Variants in TUBE1 observed in about 807,000 individuals in gnomAD.
TUBE1 encodes the protein tubulin epsilon 1, also known as tubulin epsilon chain.
A neutral mutation model predicts 53.5 loss-of-function variants in TUBE1; 34 were observed. The ratio of observed to expected loss-of-function variants is 0.64; its 90% CI spans 0.48 to 0.85. The LOEUF is 0.85. Ranked by LOEUF, TUBE1 falls within the 40% of genes least tolerant of loss-of-function variation. TUBE1 has a pLI of 0.00. For synonymous variants in TUBE1, 177 were observed against 198.4 expected, an observed-to-expected ratio of 0.89 and a Z score of 0.91; for missense variants, 532 against 570.5, an observed-to-expected ratio of 0.93 and a Z score of 0.69.
Position 112,087,416 on chromosome 6 carries a change from C to G in TUBE1, c.19G>C (p.Val7Leu). MTQSVV[V>L]QVGQCGNQIG... ...CCCGCCCGGCGTAGCTTACCCTGTA[C>G]GACCACCGACTGGGTCATGGTGGTG... Residue 7 changes from valine to leucine, a missense_variant, in exon 1 of 12, where the codon GTA becomes CTA. Physicochemically the swap from Val to Leu is conservative, Grantham distance 32. Coordinates refer to ENST00000368662, the MANE Select transcript of TUBE1 (RefSeq NM_016262.5). 6.4e-7 allele frequency: 1 copy of G among 1,551,292 alleles called. No homozygotes were observed. The highest frequency in any genetic ancestry group is 8.7e-7 in the Non-Finnish European group (1 of 1,146,844).
chr6:112,079,784 T>C lies in TUBE1; in HGVS notation c.327-30A>G, dbSNP rs782350703. ...AAATTAGAATATGGATTTTAAAAAT[T>C]CCTTGCATTTATTTTTTTATTTGAT... On this transcript the variant is annotated intron_variant, in intron 5 of 11. Transcript: ENST00000368662. 2.4e-5 allele frequency: 38 copies of C among 1,583,652 alleles called. 1 individual carries two copies. The South Asian group carries it at 4.5e-4, about 19-fold the overall frequency.
chr6:112,081,887 G>A (rs587775906), intron 4 of TUBE1, among the ~76,000 whole-genome samples: 63 of 151,190 alleles, frequency 4.2e-4, no homozygotes, highest in South Asian at 6.3e-4. Context: ...TACATGTCCC[G>A]TCCTCCCACT....
In TUBE1 at chr6:112,087,424, G is replaced by C. The variant is rs782014165; in HGVS notation, c.11C>G (p.Ser4Trp). The change falls in exon 1 of 12, where the codon TCG (serine) becomes TGG (tryptophan). Residue 4 changes from serine (S) to tryptophan (W), a missense_variant. Ser to Trp is a radical substitution (Grantham distance 177, BLOSUM62 -3). Transcript: ENST00000368662. ...GCGTAGCTTACCCTGTACGACCACC[G>C]ACTGGGTCATGGTGGTGCGCCGCCG... MTQ[S>W]VVVQVGQCGN... 1 of 1,551,322 alleles carries C rather than the reference G, an allele frequency of 6.4e-7. No homozygotes were observed. The highest frequency in any genetic ancestry group is 2.4e-5 in the East Asian group (1 of 40,906).
In TUBE1 at chr6:112,071,469, C is replaced by T. The variant is rs782241487; in HGVS notation, c.1371G>A (p.Leu457=). 7 of 1,610,368 alleles carry T rather than the reference C, an allele frequency of 4.3e-6. 1 individual carries two copies. The highest frequency in any genetic ancestry group is 5.9e-6 in the Non-Finnish European group (7 of 1,177,562). ...LSALIQEYDQ[L]DATKNMPVQD... ...GCACAGGCATGTTTTTTGTGGCGTC[C>T]AGTTGGTCATATTCCTGTATGAGTG... is the stretch of plus-strand genomic sequence containing the variant. The change falls in exon 12 of 12, where the codon CTG becomes CTA. Residue 457 remains leucine (L), a synonymous_variant. Coordinates refer to ENST00000368662, the MANE Select transcript of TUBE1 (RefSeq NM_016262.5).
Position 112,087,293 on chromosome 6 carries a change from T to A in TUBE1, c.39A>T (p.Gly13=). ...CCCAGAAGCAGCAGCCGATCTGGTT[T>A]CCGCACTGGCCGACTGCGACCGGAG... ...QSVVVQVGQC[G]NQIGCCFWDL... Residue 13 remains glycine, a synonymous_variant, in exon 2 of 12, where the codon GGA becomes GGT. Transcript: ENST00000368662. The A allele has an allele frequency of 6.4e-7, 1 of 1,552,614 alleles. No homozygotes were observed. Among genetic ancestry groups the A allele is most frequent in the Non-Finnish European group, 8.7e-7 (1 of 1,147,494 alleles).
intron 8 of TUBE1, chr6:112,075,305 G>A (rs782057163): frequency 3.3e-5 from 5 of 152,264 alleles, no homozygotes; most frequent in Non-Finnish European, 7.3e-5. Context: ...ACCTGCCTTG[G>A]CCTCCTAATG....
rs781870166 is a variant in TUBE1, at chr6:112,074,815, A to C, written c.848T>G (p.Leu283Arg). 6.2e-7 allele frequency: 1 copy of C among 1,604,054 alleles called. No homozygotes were observed. The highest frequency in any genetic ancestry group is 1.3e-5 in the African/African-American group (1 of 74,540). Residue 283 changes from leucine (L) to arginine (R), a missense_variant, in exon 9 of 12, where the codon CTT (leucine) becomes CGT (arginine). Physicochemically the swap from Leu to Arg is moderately radical, Grantham distance 102. Transcript: ENST00000368662. ...AACTAAATTCATGCTGATTTCATTA[A>C]GGTCCATATTAAGGGACCCTTCAAA... ...ARFEGSLNMD[L>R]NEISMNLVPF...
intron 6 of TUBE1, chr6:112,077,827 T>A (rs949277032): frequency 2.6e-5 from 4 of 151,088 alleles, no homozygotes. Flanking sequence ...CCATAAAAAA[T>A]AACAAGACAA....
chr6:112,086,067 A>T (rs1777150119), intron 3 of TUBE1, among the ~76,000 whole-genome samples: 1 of 152,218 alleles, frequency 6.6e-6, no homozygotes. Context: ...GCATGAACTT[A>T]ATGATTTAAT....
Position 112,071,427 on chromosome 6 carries a change from T to C in TUBE1, c.1413A>G (p.Leu471=). 6.3e-7 allele frequency: 1 copy of C among 1,589,180 alleles called. No homozygotes were observed. Among genetic ancestry groups the C allele is most frequent in the South Asian group, 1.2e-5 (1 of 85,908 alleles). ...KNMPVQDLPR[L]SIAM is the part of the protein sequence containing the mutation. The stretch of plus-strand genomic sequence containing the variant: ...GGTTTCTTTTTCACATAGCTATGCT[T>C]AGTCTGGGTAAATCCTGCACAGGCA... The change falls in exon 12 of 12, where the codon CTA becomes CTG. Residue 471 remains leucine (L), a synonymous_variant. Transcript: ENST00000368662.
chr6:112,085,870 CTAGA>C (rs1317572058), intron 3 of TUBE1: 1 of 325,548 alleles, frequency 3.1e-6, no homozygotes, highest in Non-Finnish European at 6.1e-6. Flanking sequence ...AGCCAGTGCC[CTAGA>C]TAGACTCTGG....
At chr6:112,071,630 T>C in intron 11 of TUBE1, 60 bp from the exon 12 acceptor site, 1 of 1,322,798 alleles carries the variant, frequency 7.6e-7, no homozygotes, top group Non-Finnish European at 1.0e-6. Context: ...CATAAGACTA[T>C]CCTAAAAGGT....
At chr6:112,074,434 G>C (rs1329865783) in intron 9 of TUBE1, among the ~76,000 whole-genome samples, 1 of 152,120 alleles carries the variant, frequency 6.6e-6, no homozygotes, top group African/African-American at 2.4e-5. Context: ...GCTAGCGACA[G>C]TTAGGATTCA....
chr6:112,086,717 T>C (rs1777163706), intron 2 of TUBE1, 109 bp from the exon 3 acceptor site: 2 of 693,742 alleles, frequency 2.9e-6, no homozygotes, highest in Non-Finnish European at 4.8e-6. Flanking sequence ...GAGACTCTGA[T>C]AAGAAAAACC....
At chr6:112,085,626 T>A (rs1583599492) in intron 3 of TUBE1, 1 of 470,520 alleles carries the variant, frequency 2.1e-6, no homozygotes, top group Non-Finnish European at 4.4e-6. Flanking sequence ...ATATGACAGA[T>A]ATCTCCATAA....
Position 112,081,216 on chromosome 6 carries a change from G to A in TUBE1, c.211-9C>T, listed in dbSNP as rs1554316729. On this transcript the variant is annotated splice_polypyrimidine_tract_variant and intron_variant, in intron 4 of 11. Coordinates refer to ENST00000368662, the MANE Select transcript of TUBE1 (RefSeq NM_016262.5). Reference sequence around the variant, plus strand: ...ATATCAATCAAGACTGCCTGAGAAAGAAAAATAAAATATAATTAATGTATT... The same window carrying A: ...ATATCAATCAAGACTGCCTGAGAAAAAAAAATAAAATATAATTAATGTATT... 2.1e-6 allele frequency: 3 copies of A among 1,457,766 alleles called. No homozygotes were observed. Among genetic ancestry groups the A allele is most frequent in the Non-Finnish European group, 1.9e-6 (2 of 1,055,470 alleles). 90.3% of individuals were successfully genotyped at this position (1,457,766 alleles called of 1,614,324 possible). A position where few individuals can be genotyped will look rare whatever the true frequency, so the allele number is the denominator to read the frequency against.
At chr6:112,081,288 G>T in intron 4 of TUBE1, 81 bp from the exon 5 acceptor site, 1 of 690,380 alleles carries the variant, frequency 1.4e-6, no homozygotes. Context: ...TTTATGCGCT[G>T]AATATTGCAC....
chr6:112,082,358 C>T (rs1012260709), intron 4 of TUBE1, among the ~76,000 whole-genome samples: 1 of 152,106 alleles, frequency 6.6e-6, no homozygotes, highest in African/African-American at 2.4e-5. Context: ...AGAGACTTCA[C>T]TGTATGGGCA....
chr6:112,087,130 G>T, intron 2 of TUBE1, 103 bp downstream of exon 2: 2 of 944,104 alleles, frequency 2.1e-6, no homozygotes, highest in South Asian at 1.6e-5. Flanking sequence ...AAGATCCCAT[G>T]CATCTTAAAC....
Sources: gnomAD v4.1 joint callset for allele counts (sites outside exome capture counted in the v4.1 genomes callset) on GRCh38, gnomAD v4.1.1 for gene constraint, MANE v1.5 for transcripts, NCBI Gene and HGNC (gene_info 2026-07-23, HGNC 2026-07-21) for gene names.